Variants in SNAP91 observed in about 807,000 individuals in gnomAD.
The protein encoded by SNAP91 is synaptosome associated protein 91, also known as clathrin coat assembly protein AP180.
In SNAP91, 27 loss-of-function variants were observed where a neutral mutation model predicts 100.3. The ratio of observed to expected loss-of-function variants is 0.27; its 90% CI spans 0.20 to 0.37. The LOEUF is 0.37. Among genes scored for constraint, SNAP91 ranks in the 10% least tolerant of loss-of-function variants. SNAP91 has a pLI of 1.00. For synonymous variants in SNAP91, 404 were observed against 398.6 expected, an observed-to-expected ratio of 1.01 and a Z score of -0.16; for missense variants, 986 against 1,123.7, an observed-to-expected ratio of 0.88 and a Z score of 1.75.
At chr6:83,574,965 A>G in intron 26 of SNAP91, 45 bp downstream of exon 26, 1 of 1,299,376 alleles carries the variant, frequency 7.7e-7, no homozygotes, top group Non-Finnish European at 1.1e-6. Flanking sequence ...ACACTTGGAA[A>G]CTGGCAAACT....
chr6:83,628,105 T>G (rs891762090), intron 8 of SNAP91, among the ~76,000 whole-genome samples: 1 of 151,762 alleles, frequency 6.6e-6, no homozygotes, highest in African/African-American at 2.4e-5. Context: ...GAACATATAA[T>G]GTTTGGTTTT....
intron 2 of SNAP91, among the ~76,000 whole-genome samples, chr6:83,706,352 AAG>A: frequency 2.6e-5 from 4 of 152,228 alleles, no homozygotes; most frequent in Admixed American, 2.6e-4. Context: ...TGCTGCAGCA[AAG>A]TGATCTGGTC....
At chr6:83,600,268 T>A (rs1231215957) in intron 16 of SNAP91, among the ~76,000 whole-genome samples, 1 of 152,196 alleles carries the variant, frequency 6.6e-6, no homozygotes, top group African/African-American at 2.4e-5. Context: ...CCTTAGAGAC[T>A]GGAGCATGGC....
At chr6:83,620,057 T>C (rs915915766) in intron 9 of SNAP91, among the ~76,000 whole-genome samples, 9 of 152,342 alleles carry the variant, frequency 5.9e-5, no homozygotes, top group South Asian at 4.1e-4. Flanking sequence ...ATAATTTAAA[T>C]GTAATAATTA....
intron 8 of SNAP91, among the ~76,000 whole-genome samples, chr6:83,628,735 T>A (rs2128458299): frequency 6.6e-6 from 1 of 152,156 alleles, no homozygotes; most frequent in Admixed American, 6.5e-5. Context: ...CTTGCTGATT[T>A]GAGTTCATTG....
chr6:83,658,135 G>A (rs2098452424), intron 6 of SNAP91, among the ~76,000 whole-genome samples: 1 of 151,828 alleles, frequency 6.6e-6, no homozygotes, highest in Admixed American at 6.6e-5. Context: ...TTTACATGCA[G>A]GTGTAAGAAG....
At chr6:83,592,065 C>T (rs564250833) in intron 21 of SNAP91, among the ~76,000 whole-genome samples, 176 of 152,260 alleles carry the variant, frequency 1.2e-3, no homozygotes, top group African/African-American at 4.0e-3. Flanking sequence ...GTTTTCATTT[C>T]TAAATTATCT....
chr6:83,577,577 G>A (rs533087788), intron 24 of SNAP91, among the ~76,000 whole-genome samples: 1 of 152,270 alleles, frequency 6.6e-6, no homozygotes, highest in South Asian at 2.1e-4. Flanking sequence ...TCTGTTGCAA[G>A]CTAGGTGTCC....
At chr6:83,624,913 T>G (rs760070373) in intron 8 of SNAP91, among the ~76,000 whole-genome samples, 1 of 152,218 alleles carries the variant, frequency 6.6e-6, no homozygotes, top group Middle Eastern at 3.4e-3. Context: ...TATTTCAGAT[T>G]CAGGGGTACA....
chr6:83,690,818 T>A (rs1015162562), intron 2 of SNAP91, among the ~76,000 whole-genome samples: 1 of 152,234 alleles, frequency 6.6e-6, no homozygotes, highest in East Asian at 1.9e-4. Flanking sequence ...AAAGGCATAT[T>A]TTTAAGGACT....
At chr6:83,573,389 T>C (rs940779261) in intron 26 of SNAP91, among the ~76,000 whole-genome samples, 2 of 152,176 alleles carry the variant, frequency 1.3e-5, no homozygotes, top group Non-Finnish European at 2.9e-5. Context: ...AGGTAATTTA[T>C]AGATTCAATG....
intron 2 of SNAP91, among the ~76,000 whole-genome samples, chr6:83,667,504 T>G (rs2098708008): frequency 6.6e-6 from 1 of 152,064 alleles, no homozygotes; most frequent in Non-Finnish European, 1.5e-5. Context: ...TTCACTGCTT[T>G]TTTTTGAGAA....
Position 83,575,777 on chromosome 6 carries a change from T to C in SNAP91, c.2330+246A>G, listed in dbSNP as rs115658465. 4.4e-3 allele frequency among the ~76,000 whole-genome samples: 674 copies of C among 152,338 alleles called. 6 individuals are homozygous for C. The highest frequency in any genetic ancestry group is 0.016 in the African/African-American group (646 of 41,586). ...TCAAGCCACAATTCCCAAATATTTC[T>C]AGATATAACTTAGTGACAATCTCGG... On this transcript the variant is annotated intron_variant, in intron 25 of 29. Transcript: ENST00000369694.
At chr6:83,696,519 T>C (rs2099213952) in intron 2 of SNAP91, among the ~76,000 whole-genome samples, 1 of 152,202 alleles carries the variant, frequency 6.6e-6, no homozygotes, top group Non-Finnish European at 1.5e-5. Flanking sequence ...CTTGGTGTTA[T>C]TTCTTAACAT....
intron 8 of SNAP91, among the ~76,000 whole-genome samples, chr6:83,634,616 G>C (rs1460751406): frequency 6.6e-6 from 1 of 152,088 alleles, no homozygotes; most frequent in African/African-American, 2.4e-5. Flanking sequence ...CAGTCACCAC[G>C]ATCCCCACTT....
chr6:83,700,451 A>G (rs767273222), intron 2 of SNAP91, among the ~76,000 whole-genome samples: 1 of 151,986 alleles, frequency 6.6e-6, no homozygotes, highest in Non-Finnish European at 1.5e-5. Flanking sequence ...TTGTTATTGC[A>G]TATTTGTGTG....
chr6:83,675,722 T>C (rs2098856695), intron 2 of SNAP91, among the ~76,000 whole-genome samples: 1 of 152,026 alleles, frequency 6.6e-6, no homozygotes, highest in Non-Finnish European at 1.5e-5. Context: ...CCTCCATTTC[T>C]TTATTACCGT....
intron 7 of SNAP91, among the ~76,000 whole-genome samples, chr6:83,642,288 C>T (rs912115313): frequency 6.6e-6 from 1 of 152,084 alleles, no homozygotes; most frequent in African/African-American, 2.4e-5. Context: ...GTGCTGCACC[C>T]ATTAACTCAT....
At chr6:83,591,413 T>G in intron 21 of SNAP91, 119 bp from the exon 22 acceptor site, 1 of 628,882 alleles carries the variant, frequency 1.6e-6, no homozygotes, top group Non-Finnish European at 2.9e-6. Context: ...GAGCTTGTCT[T>G]TTGTGGGTGT....
Sources: allele counts gnomAD v4.1 joint callset (sites outside exome capture counted in the v4.1 genomes callset), GRCh38; gene constraint gnomAD v4.1.1; transcripts MANE v1.5; gene names NCBI Gene and HGNC (gene_info 2026-07-23, HGNC 2026-07-21).